Variants in KAZN observed in about 807,000 individuals in gnomAD.
KAZN encodes the protein kazrin.
Under a neutral mutation model 87.4 loss-of-function variants are expected in KAZN, and 40 were observed. The observed-to-expected ratio is 0.46, with a 90% confidence interval of 0.36 to 0.60. The LOEUF (loss-of-function observed/expected upper bound fraction) is 0.60, where lower values mean the gene tolerates loss of function less well. KAZN is among the 20% of genes least tolerant of loss of function. The pLI is 0.00. For missense variants in KAZN, 898 were observed against 1,073.9 expected (o/e 0.84, Z 2.29); for synonymous variants, 466 against 458.3 (o/e 1.02, Z -0.22).
chr1:14,004,653 T>G (rs1639957364), intron 1 of KAZN, among the ~76,000 whole-genome samples: 1 of 151,960 alleles, frequency 6.6e-6, no homozygotes, highest in Admixed American at 6.6e-5. Flanking sequence ...GTGCATTCAC[T>G]CAGTGAAAGC....
At chr1:13,906,716 C>T (rs1376832011) in intron 1 of KAZN, among the ~76,000 whole-genome samples, 2 of 152,208 alleles carry the variant, frequency 1.3e-5, no homozygotes, top group African/African-American at 4.8e-5. Flanking sequence ...AGACATTCAC[C>T]TGGGACTGTC....
intron 2 of KAZN, among the ~76,000 whole-genome samples, chr1:14,552,037 T>G (rs928973142): frequency 1.3e-5 from 2 of 152,140 alleles, no homozygotes; most frequent in Non-Finnish European, 2.9e-5. Context: ...TATGTCTGAG[T>G]GCCCTTGACC....
chr1:14,238,326 A>G (rs1197178978), intron 2 of KAZN, among the ~76,000 whole-genome samples: 1 of 152,180 alleles, frequency 6.6e-6, no homozygotes, highest in Non-Finnish European at 1.5e-5. Flanking sequence ...ATGGGACCAA[A>G]TGAGAAGGAA....
chr1:14,755,509 C>G (rs973326224), intron 1 of KAZN, among the ~76,000 whole-genome samples: 2 of 152,148 alleles, frequency 1.3e-5, no homozygotes, highest in African/African-American at 4.8e-5. Flanking sequence ...GAGAACAGCG[C>G]TCCTGGGAAG....
At chr1:14,945,160 G>A (rs1441139089) in intron 1 of KAZN, among the ~76,000 whole-genome samples, 1 of 152,208 alleles carries the variant, frequency 6.6e-6, no homozygotes, top group Non-Finnish European at 1.5e-5. Flanking sequence ...GAGGTTGCAG[G>A]GGATGTGTGC....
chr1:14,972,661 CCTG>C (rs1665189623), intron 2 of KAZN, among the ~76,000 whole-genome samples: 1 of 151,992 alleles, frequency 6.6e-6, no homozygotes, highest in Non-Finnish European at 1.5e-5. Context: ...ATTACAGGCA[CCTG>C]CCACCACGCC....
intron 6 of KAZN, chr1:15,060,554 C>T (rs752096906): frequency 1.8e-5 from 9 of 510,892 alleles, no homozygotes; most frequent in Admixed American, 3.3e-5. Flanking sequence ...CTGGGTCGGC[C>T]GCAGGCACAG....
intron 1 of KAZN, among the ~76,000 whole-genome samples, chr1:14,121,516 A>T (rs189672770): frequency 7.2e-5 from 11 of 152,332 alleles, no homozygotes; most frequent in Admixed American, 2.6e-4. Flanking sequence ...AGCAATCTGG[A>T]TCATGAATCC....
At chr1:14,139,753 C>T (rs1645191048) in intron 1 of KAZN, among the ~76,000 whole-genome samples, 1 of 152,198 alleles carries the variant, frequency 6.6e-6, no homozygotes, top group Admixed American at 6.5e-5. Flanking sequence ...AAAAGGAATT[C>T]CAGATCCCTA....
chr1:14,053,155 G>A (rs577052646), intron 1 of KAZN, among the ~76,000 whole-genome samples: 9 of 152,296 alleles, frequency 5.9e-5, no homozygotes, highest in African/African-American at 9.6e-5. Flanking sequence ...TTTTTCTAGA[G>A]TTGCTGTTGT....
chr1:14,270,600 G>A (rs1168982817), intron 2 of KAZN, among the ~76,000 whole-genome samples: 1 of 152,152 alleles, frequency 6.6e-6, no homozygotes, highest in African/African-American at 2.4e-5. Context: ...CCTTACTGAG[G>A]AGGTCTATCC....
At chr1:14,029,568 G>A (rs1265576369) in intron 1 of KAZN, among the ~76,000 whole-genome samples, 1 of 144,402 alleles carries the variant, frequency 6.9e-6, no homozygotes, top group East Asian at 2.0e-4. Flanking sequence ...GTCCTGAATG[G>A]TAATGCCTAG....
At chr1:13,938,744 C>G (rs1426723973) in intron 1 of KAZN, among the ~76,000 whole-genome samples, 1 of 152,182 alleles carries the variant, frequency 6.6e-6, no homozygotes, top group Non-Finnish European at 1.5e-5. Context: ...GCCTGAACAC[C>G]CAGGATTTTC....
intron 1 of KAZN, among the ~76,000 whole-genome samples, chr1:14,676,425 G>GTCA (rs148597241): frequency 2.6e-5 from 4 of 151,064 alleles, no homozygotes; most frequent in Non-Finnish European, 5.9e-5. Flanking sequence ...GCCACTTCAC[G>GTCA]TCCCTGAGCC....
At chr1:14,741,132 G>A (rs750379117) in intron 1 of KAZN, among the ~76,000 whole-genome samples, 2 of 152,196 alleles carry the variant, frequency 1.3e-5, no homozygotes, top group Non-Finnish European at 2.9e-5. Flanking sequence ...GGAGCGGGTC[G>A]TTTATTTGCT....
intron 2 of KAZN, among the ~76,000 whole-genome samples, chr1:14,531,485 G>T (rs1467214744): frequency 6.6e-6 from 1 of 152,110 alleles, no homozygotes; most frequent in Non-Finnish European, 1.5e-5. Context: ...ACGTTGTGGG[G>T]ACCAGCATTT....
At chr1:14,339,247 T>G (rs1273658569) in intron 2 of KAZN, among the ~76,000 whole-genome samples, 1 of 152,170 alleles carries the variant, frequency 6.6e-6, no homozygotes, top group Admixed American at 6.5e-5. Flanking sequence ...GTTCTCATTC[T>G]TTGAATGGGG....
At chr1:14,722,579 A>G (rs945223690) in intron 1 of KAZN, among the ~76,000 whole-genome samples, 9 of 152,212 alleles carry the variant, frequency 5.9e-5, no homozygotes, top group Non-Finnish European at 1.2e-4. Context: ...TCTTTTCCCA[A>G]TGAGCATACC....
At chr1:14,172,983 A>T (rs1338405253) in intron 1 of KAZN, among the ~76,000 whole-genome samples, 1 of 152,164 alleles carries the variant, frequency 6.6e-6, no homozygotes, top group Non-Finnish European at 1.5e-5. Context: ...GGAGCATTCC[A>T]GGAATCATGG....
Sources: gnomAD v4.1 joint callset for allele counts (sites outside exome capture counted in the v4.1 genomes callset) on GRCh38, gnomAD v4.1.1 for gene constraint, MANE v1.5 for transcripts, NCBI Gene and HGNC (gene_info 2026-07-23, HGNC 2026-07-21) for gene names.